Variants in STK38L observed in about 807,000 individuals in gnomAD.
STK38L encodes serine/threonine kinase 38 like.
STK38L carries 28 observed loss-of-function variants against 59.7 expected under a neutral mutation model. That is an observed-to-expected ratio of 0.47 (90% CI 0.35 to 0.64). STK38L has a LOEUF of 0.64. Among genes scored for constraint, STK38L ranks in the 30% least tolerant of loss-of-function variants. The probability of loss-of-function intolerance (pLI) is 0.01; values close to 1 mark genes in which losing one functional copy is unlikely to be tolerated. For synonymous variants in STK38L, 162 were observed against 176.8 expected (o/e 0.92, Z 0.66); for missense variants, 314 against 555.8 (o/e 0.56, Z 4.37).
intron 1 of STK38L, among the ~76,000 whole-genome samples, chr12:27,276,452 G>GACC (rs1385826993): frequency 6.6e-6 from 1 of 151,912 alleles, no homozygotes; most frequent in African/African-American, 2.4e-5. Flanking sequence ...CTGTTCCCAG[G>GACC]ACCACGACTT....
intron 2 of STK38L, among the ~76,000 whole-genome samples, chr12:27,298,846 G>T (rs1944095228): frequency 6.6e-6 from 1 of 152,196 alleles, no homozygotes; most frequent in Non-Finnish European, 1.5e-5. Flanking sequence ...CATCCTGGGA[G>T]CCTTGGATTC....
intron 1 of STK38L, among the ~76,000 whole-genome samples, chr12:27,296,273 G>A (rs1444095379): frequency 6.6e-6 from 1 of 152,206 alleles, no homozygotes; most frequent in Non-Finnish European, 1.5e-5. Flanking sequence ...TAGGCAATGA[G>A]GAACCATGAC....
chr12:27,249,755 C>G (rs1263867729), intron 1 of STK38L, among the ~76,000 whole-genome samples: 1 of 152,208 alleles, frequency 6.6e-6, no homozygotes, highest in Non-Finnish European at 1.5e-5. Context: ...TTCCTGTTTT[C>G]CTTGCCTTTT....
intron 1 of STK38L, among the ~76,000 whole-genome samples, chr12:27,273,192 C>T (rs1464811637): frequency 6.6e-6 from 1 of 151,512 alleles, no homozygotes; most frequent in South Asian, 2.1e-4. Context: ...CTTTATTGAT[C>T]CCTGTAAGTG....
In STK38L at chr12:27,325,357, T is replaced by C. The variant is rs1392758010; in HGVS notation, c.*2902T>C. ...TTTTTTAAACACCTGCATATTTTTA[T>C]GTAAATCTCTAAATTTAAAATATTT... On this transcript the variant is annotated 3_prime_UTR_variant, in exon 14 of 14. Transcript: ENST00000389032. The C allele has an allele frequency of 6.6e-6, 1 of 152,190 alleles. No individual in the cohort carries two copies. Among genetic ancestry groups the C allele is most frequent in the Non-Finnish European group, 1.5e-5 (1 of 68,016 alleles). The allele number at this position is 152,190 out of a possible 1,614,324, so 9.4% of individuals were successfully genotyped here. A position where few individuals can be genotyped will look rare whatever the true frequency, so the allele number is the denominator to read the frequency against.
rs1479515389 is a variant in STK38L, at chr12:27,325,432, ATCAG to A, written c.*2984_*2987del. 2 of 152,300 alleles carry A rather than the reference ATCAG, an allele frequency of 1.3e-5. No individual in the cohort carries two copies. Among genetic ancestry groups the A allele is most frequent in the East Asian group, 1.9e-4 (1 of 5,190 alleles). The allele number at this position is 152,300 out of a possible 1,614,324, so 9.4% of individuals were successfully genotyped here. On this transcript the variant is annotated 3_prime_UTR_variant, in exon 14 of 14. Coordinates refer to ENST00000389032, the MANE Select transcript of STK38L (RefSeq NM_015000.4). ...TATTGTATAAAACCTTAGACAATCA[ATCAG>A]TCAGTCTTTACTGACAGGAGCAGCA...
At chr12:27,317,122 C>T (rs922938327) in intron 9 of STK38L, among the ~76,000 whole-genome samples, 3 of 152,148 alleles carry the variant, frequency 2.0e-5, no homozygotes, top group African/African-American at 7.2e-5. Context: ...ATTCAGCATT[C>T]CCTCAGGAAA....
At chr12:27,255,954 G>A (rs923164583) in intron 1 of STK38L, among the ~76,000 whole-genome samples, 2 of 152,124 alleles carry the variant, frequency 1.3e-5, no homozygotes, top group Admixed American at 1.3e-4. Flanking sequence ...CCATTCTTGT[G>A]CTCCTTAGCT....
intron 1 of STK38L, among the ~76,000 whole-genome samples, chr12:27,255,911 C>T (rs1310730974): frequency 2.0e-5 from 3 of 152,180 alleles, no homozygotes; most frequent in Non-Finnish European, 2.9e-5. Context: ...TTCTGCTCAC[C>T]CAGAGCTGAC....
At chr12:27,318,746 C>T (rs531776351) in intron 11 of STK38L, among the ~76,000 whole-genome samples, 1 of 152,276 alleles carries the variant, frequency 6.6e-6, no homozygotes, top group Admixed American at 6.5e-5. Context: ...AATCCCAACA[C>T]TCTGGGAGGC....
chr12:27,320,660 T>C (rs12830735), intron 12 of STK38L, among the ~76,000 whole-genome samples: 1 of 152,144 alleles, frequency 6.6e-6, no homozygotes, highest in South Asian at 2.1e-4. Context: ...TTACTTGCGT[T>C]TCTCATCTTA....
intron 3 of STK38L, among the ~76,000 whole-genome samples, chr12:27,306,440 A>T (rs1248006050): frequency 1.3e-5 from 2 of 152,136 alleles, no homozygotes; most frequent in African/African-American, 4.8e-5. Flanking sequence ...CTTAAAATTT[A>T]AAATCAGATA....
intron 1 of STK38L, among the ~76,000 whole-genome samples, chr12:27,280,674 G>A (rs1044549786): frequency 2.0e-5 from 3 of 152,188 alleles, no homozygotes; most frequent in African/African-American, 7.2e-5. Flanking sequence ...AAGACTGGCT[G>A]CCATTCAACG....
intron 1 of STK38L, chr12:27,293,509 C>G (rs1450319462): frequency 6.6e-6 from 1 of 152,234 alleles, no homozygotes; most frequent in Admixed American, 6.5e-5. Context: ...CAGTAAACTG[C>G]ATTCTGTCTT....
At chr12:27,266,550 AAC>A (rs1157088542) in intron 1 of STK38L, among the ~76,000 whole-genome samples, 1 of 152,194 alleles carries the variant, frequency 6.6e-6, no homozygotes, top group African/African-American at 2.4e-5. Flanking sequence ...CTGTGTAGGA[AAC>A]ACATTGCCCA....
intron 2 of STK38L, among the ~76,000 whole-genome samples, chr12:27,298,923 G>C (rs1253238230): frequency 2.0e-5 from 3 of 152,196 alleles, no homozygotes; most frequent in African/African-American, 4.8e-5. Flanking sequence ...AGAATCAAAT[G>C]AAAACAAGTG....
rs1411701545 is a variant in STK38L at position 27,281,287 on chromosome 12, G to A, written c.-11-16423G>A. Reference sequence around the variant, plus strand: ...TTTTTAGTAGAGACGGGGTTTCACCGTTTTAGCCGGGATGGTCTCGATCTC... The same window carrying A: ...TTTTTAGTAGAGACGGGGTTTCACCATTTTAGCCGGGATGGTCTCGATCTC... On this transcript the variant is annotated intron_variant, in intron 1 of 13. Coordinates refer to ENST00000389032, the MANE Select transcript of STK38L (RefSeq NM_015000.4). Among the ~76,000 whole-genome samples, 2 of 7,554 alleles carry A rather than the reference G, an allele frequency of 2.6e-4. 1 individual carries two copies. Among genetic ancestry groups the A allele is most frequent in the Non-Finnish European group, 8.5e-4 (2 of 2,366 alleles). The allele number at this position is 7,554 out of a possible 152,430, so 5.0% of individuals were successfully genotyped here. A position where few individuals can be genotyped will look rare whatever the true frequency, so the allele number is the denominator to read the frequency against.
intron 2 of STK38L, among the ~76,000 whole-genome samples, chr12:27,298,709 T>C (rs1213565422): frequency 6.6e-6 from 1 of 152,138 alleles, no homozygotes; most frequent in Admixed American, 6.5e-5. Context: ...AGAAGAACTA[T>C]TTATACATGC....
chr12:27,261,640 G>A (rs771881684), intron 1 of STK38L, among the ~76,000 whole-genome samples: 6 of 152,014 alleles, frequency 3.9e-5, no homozygotes, highest in South Asian at 2.1e-4. Context: ...TCAGCTTAAG[G>A]TCTACTTGAT....
Sources: allele counts gnomAD v4.1 joint callset (sites outside exome capture counted in the v4.1 genomes callset), GRCh38; gene constraint gnomAD v4.1.1; transcripts MANE v1.5; gene names NCBI Gene and HGNC (gene_info 2026-07-23, HGNC 2026-07-21).